Variants in ZNF716 observed in about 807,000 individuals in gnomAD.
ZNF716 encodes the protein zinc finger protein 716.
Under a neutral mutation model 13.4 loss-of-function variants are expected in ZNF716, and 9 were observed. The ratio of observed to expected loss-of-function variants is 0.67; its 90% CI spans 0.41 to 1.18. ZNF716 has a LOEUF of 1.18. ZNF716 is among the 50% of genes most tolerant of loss of function. The pLI is 0.01. For missense variants in ZNF716, 581 were observed against 576.6 expected (o/e 1.01, Z -0.08); for synonymous variants, 186 against 195.2 (o/e 0.95, Z 0.39).
chr7:57,464,138 T>TTTTTTTTTTC (rs1789762158), intron 3 of ZNF716, among the ~76,000 whole-genome samples: 1 of 129,010 alleles, frequency 7.8e-6, no homozygotes, highest in Admixed American at 7.9e-5. Context: ...TTTTTTTTTT[T>TTTTTTTTTTC]GAGATGGAGT....
intron 1 of ZNF716, among the ~76,000 whole-genome samples, chr7:57,461,573 A>T (rs1381137246): frequency 7.9e-5 from 12 of 152,158 alleles, no homozygotes; most frequent in Non-Finnish European, 1.8e-4. Context: ...TTTGTCTTTT[A>T]AAAATGAAGG....
intron 2 of ZNF716, 45 bp downstream of exon 2, chr7:57,462,631 C>T (rs1789730347): frequency 1.9e-6 from 3 of 1,541,970 alleles, no homozygotes; most frequent in Non-Finnish European, 2.6e-6. Context: ...TTGCCTTTCT[C>T]TCTTTTCTAA....
chr7:57,467,092 T>G (rs1378206079), intron 3 of ZNF716, among the ~76,000 whole-genome samples: 1 of 50,278 alleles, frequency 2.0e-5, no homozygotes, highest in Non-Finnish European at 3.1e-5. Flanking sequence ...GAAAACCTCT[T>G]AATTTACAAC....
intron 1 of ZNF716, among the ~76,000 whole-genome samples, chr7:57,460,176 T>C (rs1402475886): frequency 6.6e-6 from 1 of 152,036 alleles, no homozygotes; most frequent in African/African-American, 2.4e-5. Context: ...TCATGAGGTT[T>C]GGAGTTCGAG....
intron 1 of ZNF716, among the ~76,000 whole-genome samples, chr7:57,461,432 T>G (rs1789706979): frequency 1.3e-5 from 2 of 152,226 alleles, no homozygotes; most frequent in Admixed American, 1.3e-4. Context: ...ATGGCATTTT[T>G]TCTACTATAG....
intron 1 of ZNF716, 33 bp from the exon 2 acceptor site, chr7:57,462,427 T>C: frequency 2.5e-6 from 4 of 1,603,548 alleles, no homozygotes; most frequent in Non-Finnish European, 2.6e-6. Flanking sequence ...TGTTCATGAG[T>C]GTTTTTTTTG....
At chr7:57,459,845 C>G (rs1851773) in intron 1 of ZNF716, among the ~76,000 whole-genome samples, 119,276 of 152,088 alleles carry the variant, frequency 0.78, 47,255 homozygotes, top group East Asian at 0.91. Context: ...GAAGCTTGTT[C>G]TTCTCTCATT....
At position 57,473,232 on chromosome 7, in the gene ZNF716, T is replaced by C. The variant is rs1554325589; in HGVS notation, c.*3283T>C. On this transcript the variant is annotated 3_prime_UTR_variant, in exon 4 of 4. Transcript: ENST00000420713. ...CATAGAGTTACATATACAAATATAT[T>C]ACTCTAAAGATATACCAGCCGAGCA... The C allele has an allele frequency of 1.3e-5, 2 of 152,188 alleles. No individual in the cohort carries two copies. The highest frequency in any genetic ancestry group is 6.5e-5 in the Admixed American group (1 of 15,268). 9.4% of individuals were successfully genotyped at this position (152,188 alleles called of 1,614,324 possible).
intron 1 of ZNF716, among the ~76,000 whole-genome samples, chr7:57,458,437 T>C (rs1789643365): frequency 6.6e-6 from 1 of 152,152 alleles, no homozygotes; most frequent in African/African-American, 2.4e-5. Flanking sequence ...CTTTTTTTTT[T>C]CTGACATGGA....
intron 1 of ZNF716, among the ~76,000 whole-genome samples, chr7:57,456,636 G>A (rs1260847890): frequency 6.6e-6 from 1 of 152,072 alleles, no homozygotes; most frequent in African/African-American, 2.4e-5. Context: ...TCAGGAAGCT[G>A]TAGCAGGAGA....
rs782407630 is a variant in ZNF716, at chr7:57,463,200, G to C, written c.262+32G>C. 3.8e-5 allele frequency: 61 copies of C among 1,601,364 alleles called. No homozygotes were observed. In the Middle Eastern group the frequency reaches 8.2e-4, roughly 22 times the overall value. On this transcript the variant is annotated intron_variant, in intron 3 of 3. Coordinates refer to ENST00000420713, the MANE Select transcript of ZNF716 (RefSeq NM_001159279.1). ...GAGAGCGAATGAAGCAGATGACACA[G>C]ATGAGAGTTACAAAAGTCAAGGAGG...
chr7:57,453,749 A>G (rs1365127757), intron 1 of ZNF716, among the ~76,000 whole-genome samples: 1 of 152,222 alleles, frequency 6.6e-6, no homozygotes, highest in African/African-American at 2.4e-5. Context: ...GTGTGAGATA[A>G]CTGGGGAATT....
chr7:57,460,816 T>G (rs1262920758), intron 1 of ZNF716, among the ~76,000 whole-genome samples: 1 of 152,148 alleles, frequency 6.6e-6, no homozygotes, highest in Non-Finnish European at 1.5e-5. Context: ...TAACGCTCAT[T>G]TAAACAGGAT....
At chr7:57,451,806 G>A (rs527725348) in intron 1 of ZNF716, among the ~76,000 whole-genome samples, 1 of 149,674 alleles carries the variant, frequency 6.7e-6, no homozygotes. Flanking sequence ...TCACTCTGTG[G>A]CCCAGGCTGG....
chr7:57,458,747 A>C (rs1554322527), intron 1 of ZNF716, among the ~76,000 whole-genome samples: 2 of 152,104 alleles, frequency 1.3e-5, no homozygotes. Flanking sequence ...GTTATTTATA[A>C]ATAGTTATTT....
chr7:57,454,326 T>A (rs182154802), intron 1 of ZNF716, among the ~76,000 whole-genome samples: 2,579 of 152,332 alleles, frequency 0.017, 32 homozygotes, highest in Admixed American at 0.026. Flanking sequence ...ACCTTAAAAA[T>A]TTTTCCCTTG....
intron 1 of ZNF716, among the ~76,000 whole-genome samples, chr7:57,460,965 A>AT (rs36078415): frequency 0.037 from 5,606 of 151,036 alleles, 313 homozygotes; most frequent in East Asian, 0.24. Context: ...CAGAAAACTG[A>AT]TTTTTTTTTA....
intron 1 of ZNF716, 135 bp downstream of exon 1, chr7:57,450,462 C>G: frequency 6.7e-7 from 1 of 1,499,758 alleles, no homozygotes; most frequent in Non-Finnish European, 9.2e-7. Flanking sequence ...TGTCCCAGCT[C>G]GGCTCTTAGT....
intron 3 of ZNF716, among the ~76,000 whole-genome samples, chr7:57,464,535 T>G (rs1392713164): frequency 2.0e-5 from 3 of 152,194 alleles, no homozygotes; most frequent in Non-Finnish European, 4.4e-5. Context: ...TGTCACCCAT[T>G]TCTTGGGTGG....
Sources: gnomAD v4.1 joint callset for allele counts (sites outside exome capture counted in the v4.1 genomes callset) on GRCh38, gnomAD v4.1.1 for gene constraint, MANE v1.5 for transcripts, NCBI Gene and HGNC (gene_info 2026-07-23, HGNC 2026-07-21) for gene names.